Variants in PIGL observed in about 807,000 individuals in gnomAD.
PIGL encodes the protein phosphatidylinositol glycan anchor biosynthesis class L.
In PIGL, 22 loss-of-function variants were observed where a neutral mutation model predicts 31.1. The ratio of observed to expected loss-of-function variants is 0.71; its 90% CI spans 0.51 to 1.01. PIGL has a LOEUF of 1.01. Ranked by LOEUF, PIGL falls within the 50% of genes least tolerant of loss-of-function variation. PIGL has a pLI of 0.00. For missense variants in PIGL, 302 were observed against 315.9 expected (o/e 0.96, Z 0.33); for synonymous variants, 131 against 117.4 (o/e 1.12, Z -0.75).
rs530195727 is a variant in PIGL, at chr17:16,238,135, G to T, written c.335+4065G>T. 2.7e-5 allele frequency among the ~76,000 whole-genome samples: 4 copies of T among 149,970 alleles called. No individual in the cohort carries two copies. The South Asian group carries it at 8.5e-4, about 32-fold the overall frequency. ...TGCTTGAACCCAGGAGATGGAGGTT[G>T]CAGTGAGCCGAGATCGCGCCATTGC... On this transcript the variant is annotated intron_variant, in intron 2 of 6. Transcript: ENST00000225609.
intron 3 of PIGL, among the ~76,000 whole-genome samples, chr17:16,308,850 G>A (rs1257362858): frequency 7.3e-6 from 1 of 136,208 alleles, no homozygotes; most frequent in African/African-American, 2.8e-5. Context: ...CTGGAATGGT[G>A]TGATCATGGC....
chr17:16,280,729 A>G (rs1305428424), intron 2 of PIGL, among the ~76,000 whole-genome samples: 1 of 152,016 alleles, frequency 6.6e-6, no homozygotes, highest in East Asian at 1.9e-4. Flanking sequence ...TGTTTGAGAT[A>G]GAGTCTCGCT....
intron 2 of PIGL, among the ~76,000 whole-genome samples, chr17:16,284,729 A>T (rs1010635377): frequency 2.6e-5 from 4 of 152,104 alleles, no homozygotes; most frequent in Non-Finnish European, 5.9e-5. Context: ...ACTCCTCACT[A>T]ACTGGCTTCC....
intron 2 of PIGL, among the ~76,000 whole-genome samples, chr17:16,264,537 A>G (rs1202328137): frequency 6.6e-6 from 1 of 152,078 alleles, no homozygotes; most frequent in African/African-American, 2.4e-5. Flanking sequence ...GAATGTCCTC[A>G]CAAGGAGTTT....
chr17:16,227,132 G>T (rs1190106859), intron 1 of PIGL, among the ~76,000 whole-genome samples: 1 of 149,140 alleles, frequency 6.7e-6, no homozygotes, highest in East Asian at 2.0e-4. Flanking sequence ...TTTTTGAGAC[G>T]GAGTCTCCCT....
At chr17:16,244,154 T>C (rs1275218026) in intron 2 of PIGL, among the ~76,000 whole-genome samples, 1 of 152,216 alleles carries the variant, frequency 6.6e-6, no homozygotes, top group Admixed American at 6.5e-5. Context: ...TAGAATCTTG[T>C]GTCCTCCAGC....
rs553123629 is a variant in PIGL at position 16,231,425 on chromosome 17, A to G, written c.236-2546A>G. The stretch of plus-strand genomic sequence containing the variant: ...AATTTTTAAAATTTTTCTTTTGTGA[A>G]AACAGGGTCTCACTATGTTGACCAG... On this transcript the variant is annotated intron_variant, in intron 1 of 6. Coordinates refer to ENST00000225609, the MANE Select transcript of PIGL (RefSeq NM_004278.4). Among the ~76,000 whole-genome samples, 530 of 151,382 alleles carry G rather than the reference A, an allele frequency of 3.5e-3. 4 individuals are homozygous for G. Among genetic ancestry groups the G allele is most frequent in the Non-Finnish European group, 5.2e-3 (352 of 67,790 alleles).
intron 2 of PIGL, among the ~76,000 whole-genome samples, chr17:16,243,131 ACCT>A (rs1196654217): frequency 6.6e-6 from 1 of 151,920 alleles, no homozygotes; most frequent in African/African-American, 2.4e-5. Context: ...GCTCACAGCA[ACCT>A]CCACCTCTCG....
chr17:16,225,550 G>A (rs1279894739), intron 1 of PIGL, among the ~76,000 whole-genome samples: 5 of 122,028 alleles, frequency 4.1e-5, no homozygotes, highest in Admixed American at 8.7e-5. Context: ...CACCATGCCC[G>A]GCTAATTTTT....
chr17:16,284,879 C>T (rs950533761), intron 2 of PIGL, among the ~76,000 whole-genome samples: 2 of 151,996 alleles, frequency 1.3e-5, no homozygotes, highest in African/African-American at 4.8e-5. Flanking sequence ...GAATTAATTA[C>T]TCTTTCTCTA....
At position 16,217,376 on chromosome 17, in the gene PIGL, T is replaced by C. The variant is rs1264236452; in HGVS notation, c.150T>C (p.Pro50=). The change falls in exon 1 of 7, where the codon CCT becomes CCC. Residue 50 remains proline, a synonymous_variant. Transcript: ENST00000225609. The part of the protein sequence containing the change: ...ESRTLLVIAH[P]DDEAMFFAPT... The stretch of plus-strand genomic sequence containing the variant: ...GGACCCTGCTGGTCATAGCGCACCC[T>C]GACGATGAAGCCATGTTTTTTGCTC... 1 of 1,614,226 alleles carries C rather than the reference T, an allele frequency of 6.2e-7. No homozygotes were observed. The highest frequency in any genetic ancestry group is 2.2e-5 in the East Asian group (1 of 44,878).
At chr17:16,311,581 GT>G (rs1239852023) in intron 3 of PIGL, among the ~76,000 whole-genome samples, 3 of 145,218 alleles carry the variant, frequency 2.1e-5, no homozygotes, top group African/African-American at 7.7e-5. Context: ...AAGGTCTCTG[GT>G]TTTCCTAGGC....
intron 2 of PIGL, among the ~76,000 whole-genome samples, chr17:16,263,772 C>T (rs1265432878): frequency 2.0e-5 from 3 of 150,710 alleles, no homozygotes; most frequent in Non-Finnish European, 2.9e-5. Flanking sequence ...CTGCCCATCT[C>T]GGCCTCCCAG....
At chr17:16,301,320 A>T (rs1213856604) in intron 3 of PIGL, among the ~76,000 whole-genome samples, 2 of 151,520 alleles carry the variant, frequency 1.3e-5, no homozygotes, top group Non-Finnish European at 2.9e-5. Context: ...GCTGGAGTGC[A>T]GTGGCGGGAT....
intron 2 of PIGL, among the ~76,000 whole-genome samples, chr17:16,242,676 CAG>C (rs1415831752): frequency 2.0e-5 from 2 of 99,408 alleles, no homozygotes; most frequent in African/African-American, 7.9e-5. Context: ...TTTTTTGAGA[CAG>C]AGTCTCGCTT....
chr17:16,217,746 G>T (rs563118735), intron 1 of PIGL: 6 of 406,866 alleles, frequency 1.5e-5, no homozygotes, highest in Non-Finnish European at 2.7e-5. Context: ...AACTCCACCT[G>T]TACTTGTTAT....
intron 6 of PIGL, among the ~76,000 whole-genome samples, chr17:16,319,572 C>T (rs370529703): frequency 9.2e-5 from 14 of 152,070 alleles, no homozygotes; most frequent in African/African-American, 2.6e-4. Flanking sequence ...CAGGGCAACA[C>T]GGCGAAACCC....
At chr17:16,313,157 G>A (rs2093062263) in intron 3 of PIGL, among the ~76,000 whole-genome samples, 1 of 152,138 alleles carries the variant, frequency 6.6e-6, no homozygotes, top group African/African-American at 2.4e-5. Context: ...CCTCAGTATG[G>A]CATGAGAAAA....
intron 2 of PIGL, among the ~76,000 whole-genome samples, chr17:16,292,137 C>T (rs1305936597): frequency 3.4e-5 from 5 of 148,106 alleles, no homozygotes; most frequent in East Asian, 2.0e-4. Context: ...CAGGTTCAAG[C>T]GATCTTCCTG....
Sources: gnomAD v4.1 joint callset for allele counts (sites outside exome capture counted in the v4.1 genomes callset) on GRCh38, gnomAD v4.1.1 for gene constraint, MANE v1.5 for transcripts, NCBI Gene and HGNC (gene_info 2026-07-23, HGNC 2026-07-21) for gene names.